TRIM71: variants seen among roughly 807,000 people sequenced by gnomAD.
TRIM71 encodes E3 ubiquitin-protein ligase TRIM71.
TRIM71 carries 9 observed loss-of-function variants against 61.2 expected under a neutral mutation model. That is an observed-to-expected ratio of 0.15 (90% CI 0.09 to 0.26). TRIM71 has a LOEUF of 0.26. TRIM71 is among the 10% of genes least tolerant of loss of function. The probability of loss-of-function intolerance (pLI) is 1.00; values close to 1 mark genes in which losing one functional copy is unlikely to be tolerated. For synonymous variants in TRIM71, 645 were observed against 553.2 expected, an observed-to-expected ratio of 1.17 and a Z score of -2.33; for missense variants, 998 against 1,238.7, an observed-to-expected ratio of 0.81 and a Z score of 2.92.
intron 1 of TRIM71, among the ~76,000 whole-genome samples, chr3:32,838,767 A>G (rs917236768): frequency 1.3e-5 from 2 of 151,490 alleles, no homozygotes; most frequent in Non-Finnish European, 2.9e-5. Context: ...CCTGAAGACT[A>G]TCCCTCTTAG....
chr3:32,820,022 C>T (rs1406221437), intron 1 of TRIM71, among the ~76,000 whole-genome samples: 1 of 152,238 alleles, frequency 6.6e-6, no homozygotes, highest in African/African-American at 2.4e-5. Context: ...CCCCCGAACC[C>T]AATGAAGGCA....
chr3:32,873,154 T>C (rs1696816386), intron 1 of TRIM71, among the ~76,000 whole-genome samples: 1 of 141,850 alleles, frequency 7.0e-6, no homozygotes, highest in Non-Finnish European at 1.5e-5. Context: ...CTGTCAGCAC[T>C]GGCTGCCTCC....
In TRIM71 at chr3:32,842,443, T is replaced by C. The variant is rs942839069; in HGVS notation, c.852+23511T>C. 2.0e-5 allele frequency among the ~76,000 whole-genome samples: 3 copies of C among 152,326 alleles called. No homozygotes were observed. The South Asian group carries it at 6.2e-4, about 32-fold the overall frequency. ...AATTGAGTATGATGGGGTTGTAAAT[T>C]GTCCAGGATAGACAGGTTTTGATCC... On this transcript the variant is annotated intron_variant, in intron 1 of 3. Coordinates refer to ENST00000383763, the MANE Select transcript of TRIM71 (RefSeq NM_001039111.3).
At chr3:32,837,894 A>G (rs1696353869) in intron 1 of TRIM71, among the ~76,000 whole-genome samples, 1 of 152,182 alleles carries the variant, frequency 6.6e-6, no homozygotes, top group Non-Finnish European at 1.5e-5. Flanking sequence ...TGTGTTTAAG[A>G]CATTTGCTGT....
chr3:32,831,568 T>TCC (rs1696271601), intron 1 of TRIM71, among the ~76,000 whole-genome samples: 1 of 138,126 alleles, frequency 7.2e-6, no homozygotes, highest in Admixed American at 8.1e-5. Context: ...AGACAGAGTC[T>TCC]CGCTGGGATG....
chr3:32,834,822 CAG>C (rs1696314558), intron 1 of TRIM71, among the ~76,000 whole-genome samples: 1 of 152,058 alleles, frequency 6.6e-6, no homozygotes, highest in African/African-American at 2.4e-5. Context: ...AGCCTGGTGA[CAG>C]AGCGAGACTC....
chr3:32,846,967 T>C (rs1696482598), intron 1 of TRIM71, among the ~76,000 whole-genome samples: 1 of 148,304 alleles, frequency 6.7e-6, no homozygotes, highest in Admixed American at 6.9e-5. Context: ...CAGATAGCTC[T>C]TTGACATACT....
chr3:32,869,050 T>C (rs62251954), intron 1 of TRIM71, among the ~76,000 whole-genome samples: 10,804 of 152,284 alleles, frequency 0.071, 432 homozygotes, highest in Non-Finnish European at 0.088. Flanking sequence ...CATGGCTAGA[T>C]TTTACCTCCT....
rs1697036596 is a variant in TRIM71, at chr3:32,892,389, A to G, written c.*578A>G. Reference sequence around the variant, plus strand: ...TGTTGTGTTGTTTTGATCTTTTTGGAAAATCTTCTCTTTTTAAATGCTGCA... The same window carrying G: ...TGTTGTGTTGTTTTGATCTTTTTGGGAAATCTTCTCTTTTTAAATGCTGCA... On this transcript the variant is annotated 3_prime_UTR_variant, in exon 4 of 4. Coordinates refer to ENST00000383763, the MANE Select transcript of TRIM71 (RefSeq NM_001039111.3). 1.3e-5 allele frequency: 2 copies of G among 152,322 alleles called. No homozygotes were observed. The highest frequency in any genetic ancestry group is 4.8e-5 in the African/African-American group (2 of 41,442). 9.4% of individuals were successfully genotyped at this position (152,322 alleles called of 1,614,324 possible).
chr3:32,820,610 C>T (rs893368628), intron 1 of TRIM71, among the ~76,000 whole-genome samples: 2 of 152,196 alleles, frequency 1.3e-5, no homozygotes, highest in Non-Finnish European at 2.9e-5. Flanking sequence ...GGAGTTTCCC[C>T]TTCTGAGAGG....
chr3:32,822,232 A>G (rs1365586682), intron 1 of TRIM71, among the ~76,000 whole-genome samples: 1 of 152,034 alleles, frequency 6.6e-6, no homozygotes, highest in African/African-American at 2.4e-5. Context: ...CCTGGAAAAC[A>G]TTGTAGCCCG....
chr3:32,846,996 T>C (rs1696482956), intron 1 of TRIM71, among the ~76,000 whole-genome samples: 1 of 149,032 alleles, frequency 6.7e-6, no homozygotes, highest in African/African-American at 2.4e-5. Flanking sequence ...TTATTTGGGG[T>C]ATATATACCC....
intron 2 of TRIM71, among the ~76,000 whole-genome samples, chr3:32,876,674 T>C (rs930701330): frequency 2.0e-5 from 3 of 152,154 alleles, no homozygotes; most frequent in South Asian, 2.1e-4. Context: ...CTTACTCTCT[T>C]AAGAGATTGA....
At chr3:32,836,745 GTAGGTA>G (rs2125677780) in intron 1 of TRIM71, among the ~76,000 whole-genome samples, 1 of 152,342 alleles carries the variant, frequency 6.6e-6, no homozygotes, top group South Asian at 2.1e-4. Flanking sequence ...TGGGTGAAGA[GTAGGTA>G]TATGAAGGCC....
In TRIM71 at chr3:32,873,972, G is replaced by A. The variant is rs781070829; in HGVS notation, c.1007G>A (p.Arg336Gln). The A allele has an allele frequency of 5.1e-5, 82 of 1,610,082 alleles. No individual in the cohort carries two copies. Among genetic ancestry groups the A allele is most frequent in the Non-Finnish European group, 5.3e-5 (63 of 1,178,430 alleles). The change falls in exon 2 of 4, where the codon CGA becomes CAA. Residue 336 changes from arginine (R) to glutamine (Q), a missense_variant. Arg to Gln is a conservative substitution (Grantham distance 43). Around this residue, in one of 5 missense-constraint regions of TRIM71, gnomAD observed 291 missense variants for 431.2 expected, o/e 0.67. Transcript: ENST00000383763. ...IQLLADAQQG[R>Q]QAIQLSIEQA... is the part of the protein sequence containing the mutation. ...CTGCTGGCAGATGCCCAGCAGGGAC[G>A]ACAGGCAATCCAGGTGAGCCTTCCC... is the stretch of plus-strand genomic sequence containing the variant.
chr3:32,830,769 G>C (rs1696261650), intron 1 of TRIM71, among the ~76,000 whole-genome samples: 1 of 152,090 alleles, frequency 6.6e-6, no homozygotes, highest in African/African-American at 2.4e-5. Context: ...ACACTTCTTA[G>C]TTTTCAAGCC....
intron 1 of TRIM71, among the ~76,000 whole-genome samples, chr3:32,847,093 A>G (rs1050801648): frequency 6.6e-6 from 1 of 150,714 alleles, no homozygotes; most frequent in African/African-American, 2.4e-5. Flanking sequence ...GTGCAGTGGC[A>G]CCATCTCTGC....
intron 1 of TRIM71, among the ~76,000 whole-genome samples, chr3:32,860,463 C>T (rs4909019): frequency 0.23 from 34,515 of 151,942 alleles, 4,067 homozygotes; most frequent in African/African-American, 0.25. Flanking sequence ...ACCCCTCACA[C>T]CTTTCTTTAA....
At chr3:32,830,463 C>CA (rs1283691529) in intron 1 of TRIM71, among the ~76,000 whole-genome samples, 1 of 152,152 alleles carries the variant, frequency 6.6e-6, no homozygotes, top group Admixed American at 6.6e-5. Flanking sequence ...AACTCCATCT[C>CA]ACAGTATCAG....
Sources: gnomAD v4.1 joint callset for allele counts (sites outside exome capture counted in the v4.1 genomes callset) on GRCh38, gnomAD v4.1.1 for gene constraint, gnomAD v4.1.1 regional missense constraint, MANE v1.5 for transcripts, NCBI Gene and HGNC (gene_info 2026-07-23, HGNC 2026-07-21) for gene names.